Variants in NDST3 observed in about 807,000 individuals in gnomAD.
NDST3 encodes the protein bifunctional heparan sulfate N-deacetylase/N-sulfotransferase 3.
NDST3 carries 58 observed loss-of-function variants against 96.1 expected under a neutral mutation model. The ratio of observed to expected loss-of-function variants is 0.60; its 90% CI spans 0.49 to 0.75. The LOEUF is 0.75. Among genes scored for constraint, NDST3 ranks in the 30% least tolerant of loss-of-function variants. The pLI is 0.00. For missense variants in NDST3, 788 were observed against 1,034.2 expected (o/e 0.76, Z 3.27); for synonymous variants, 333 against 359.7 (o/e 0.93, Z 0.84).
At chr4:118,240,170 T>C (rs1270197428) in intron 10 of NDST3, among the ~76,000 whole-genome samples, 1 of 151,918 alleles carries the variant, frequency 6.6e-6, no homozygotes, top group Non-Finnish European at 1.5e-5. Context: ...CTGGACACTA[T>C]AAATGGTTTG....
chr4:118,195,143 T>C (rs993385896), intron 6 of NDST3, among the ~76,000 whole-genome samples: 1 of 152,218 alleles, frequency 6.6e-6, no homozygotes, highest in African/African-American at 2.4e-5. Context: ...GAACATGGAA[T>C]GTATTTCTCT....
chr4:118,213,574 A>AATAT (rs33926182), intron 6 of NDST3, among the ~76,000 whole-genome samples: 1 of 150,476 alleles, frequency 6.6e-6, no homozygotes, highest in East Asian at 1.9e-4. Context: ...TTAGCCATTA[A>AATAT]ATATATATAT....
At chr4:118,072,036 TGTAA>T (rs767343129) in intron 2 of NDST3, among the ~76,000 whole-genome samples, 2 of 152,078 alleles carry the variant, frequency 1.3e-5, no homozygotes, top group African/African-American at 2.4e-5. Context: ...ATCAGATGGT[TGTAA>T]GTGTGAGGCT....
intron 1 of NDST3, among the ~76,000 whole-genome samples, chr4:118,037,484 GTCCGGCTCCAGCACACAT>G (rs1289557252): frequency 2.0e-5 from 3 of 152,166 alleles, no homozygotes; most frequent in Non-Finnish European, 2.9e-5. Flanking sequence ...TGCAGTTTGA[GTCCGGCTCCAGCACACAT>G]TCCTTTAACC....
At chr4:118,173,134 A>ATGTG (rs35139409) in intron 6 of NDST3, among the ~76,000 whole-genome samples, 1,611 of 148,330 alleles carry the variant, frequency 0.011, 7 homozygotes, top group Non-Finnish European at 0.014. Context: ...AGGCATATAT[A>ATGTG]TGTGTGTGTG....
At chr4:118,142,584 A>T (rs889507825) in intron 5 of NDST3, among the ~76,000 whole-genome samples, 3 of 152,134 alleles carry the variant, frequency 2.0e-5, no homozygotes, top group African/African-American at 7.2e-5. Flanking sequence ...AAGACATAAA[A>T]CATGAAGATT....
chr4:118,073,011 T>C (rs532545913), intron 2 of NDST3, among the ~76,000 whole-genome samples: 1 of 152,212 alleles, frequency 6.6e-6, no homozygotes, highest in East Asian at 1.9e-4. Context: ...TAATTCTGTT[T>C]ATGTGATAAA....
chr4:118,122,342 C>T (rs889890104), intron 4 of NDST3, among the ~76,000 whole-genome samples: 4 of 152,116 alleles, frequency 2.6e-5, no homozygotes, highest in Admixed American at 2.6e-4. Context: ...CACTTGCATT[C>T]TGAGAGGTGG....
chr4:118,055,706 T>C (rs1430414291), intron 2 of NDST3: 3 of 152,122 alleles, frequency 2.0e-5, no homozygotes, highest in Middle Eastern at 3.4e-3. Flanking sequence ...ATCTCTGTTA[T>C]ACTATGTATT....
chr4:118,060,662 T>C (rs1183775219), intron 2 of NDST3, among the ~76,000 whole-genome samples: 1 of 152,168 alleles, frequency 6.6e-6, no homozygotes, highest in African/African-American at 2.4e-5. Context: ...TTTACCTTCA[T>C]TTGAATTGTC....
At chr4:118,218,238 A>C (rs1560724571) in intron 6 of NDST3, among the ~76,000 whole-genome samples, 1 of 152,130 alleles carries the variant, frequency 6.6e-6, no homozygotes, top group Non-Finnish European at 1.5e-5. Flanking sequence ...AGACAAAACA[A>C]AAAAAGAAAA....
intron 12 of NDST3, among the ~76,000 whole-genome samples, chr4:118,244,394 A>G (rs1274909527): frequency 2.0e-5 from 3 of 152,152 alleles, no homozygotes; most frequent in Non-Finnish European, 4.4e-5. Context: ...TGCCATTTAT[A>G]CCAGTTTGTA....
At chr4:118,087,362 G>C (rs76152759) in intron 2 of NDST3, among the ~76,000 whole-genome samples, 8,186 of 152,168 alleles carry the variant, frequency 0.054, 308 homozygotes, top group Middle Eastern at 0.082. Flanking sequence ...CGAAGGCAGG[G>C]AAAGTCTTAA....
intron 2 of NDST3, among the ~76,000 whole-genome samples, chr4:118,076,288 C>T (rs2125810011): frequency 6.6e-6 from 1 of 152,184 alleles, no homozygotes; most frequent in South Asian, 2.1e-4. Flanking sequence ...GAAAGGTCAT[C>T]TTGTATAGTA....
chr4:118,104,253 T>C (rs1729989968), intron 2 of NDST3, among the ~76,000 whole-genome samples: 3 of 152,052 alleles, frequency 2.0e-5, no homozygotes, highest in Non-Finnish European at 2.9e-5. Flanking sequence ...TTCTGCCTAG[T>C]TGAAGTGAAC....
chr4:118,212,963 T>A (rs1178174022), intron 6 of NDST3, among the ~76,000 whole-genome samples: 1 of 152,226 alleles, frequency 6.6e-6, no homozygotes, highest in South Asian at 2.1e-4. Flanking sequence ...AATCCTCACA[T>A]GTAATTCATC....
chr4:118,158,321 A>G (rs1451142798), intron 6 of NDST3, among the ~76,000 whole-genome samples: 1 of 152,198 alleles, frequency 6.6e-6, no homozygotes, highest in Non-Finnish European at 1.5e-5. Context: ...AACACCTTGT[A>G]CCAGAAAAAA....
chr4:118,210,863 G>T (rs1157142135), intron 6 of NDST3, among the ~76,000 whole-genome samples: 1 of 151,728 alleles, frequency 6.6e-6, no homozygotes, highest in African/African-American at 2.4e-5. Context: ...AAAGGAAGTT[G>T]TACTGATGGG....
chr4:118,078,096 C>G (rs1727712108), intron 2 of NDST3, among the ~76,000 whole-genome samples: 1 of 152,114 alleles, frequency 6.6e-6, no homozygotes, highest in South Asian at 2.1e-4. Flanking sequence ...CAGTCTTGCA[C>G]AGGACCCCAC....
Sources: gnomAD v4.1 joint callset for allele counts (sites outside exome capture counted in the v4.1 genomes callset) on GRCh38, gnomAD v4.1.1 for gene constraint, MANE v1.5 for transcripts, NCBI Gene and HGNC (gene_info 2026-07-23, HGNC 2026-07-21) for gene names.